FAM120B: variants seen among roughly 807,000 people sequenced by gnomAD.
The protein encoded by FAM120B is family with sequence similarity 120 member B, also known as constitutive coactivator of peroxisome proliferator-activated receptor gamma.
Under a neutral mutation model 96.3 loss-of-function variants are expected in FAM120B, and 83 were observed. That is an observed-to-expected ratio of 0.86 (90% CI 0.72 to 1.03). The LOEUF (loss-of-function observed/expected upper bound fraction) is 1.03. FAM120B is among the 50% of genes least tolerant of loss of function. The probability of loss-of-function intolerance (pLI) is 0.00; values close to 1 mark genes in which losing one functional copy is unlikely to be tolerated. For missense variants in FAM120B, 1,027 were observed against 1,121.2 expected, an observed-to-expected ratio of 0.92 and a Z score of 1.20; for synonymous variants, 407 against 402.7, an observed-to-expected ratio of 1.01 and a Z score of -0.13.
chr6:170,325,763 C>T (rs1240842597), intron 3 of FAM120B, among the ~76,000 whole-genome samples: 1 of 151,420 alleles, frequency 6.6e-6, no homozygotes, highest in Admixed American at 6.6e-5. Flanking sequence ...ATTGCTTGAG[C>T]CCAGGAGACA....
chr6:170,320,801 G>C (rs1456520653), intron 2 of FAM120B, among the ~76,000 whole-genome samples: 1 of 152,224 alleles, frequency 6.6e-6, no homozygotes, highest in Non-Finnish European at 1.5e-5. Context: ...GAGATCAGGA[G>C]TGAGCAGAGG....
intron 6 of FAM120B, among the ~76,000 whole-genome samples, chr6:170,371,795 G>T (rs1217468807): frequency 6.6e-6 from 1 of 152,206 alleles, no homozygotes; most frequent in Non-Finnish European, 1.5e-5. Flanking sequence ...GGAAGTAAGA[G>T]ATGATTGGCC....
rs1205062618 is a variant in FAM120B at position 170,318,047 on chromosome 6, G to A, written c.657G>A (p.Val219=). The A allele has an allele frequency of 6.2e-7, 1 of 1,614,134 alleles. No individual in the cohort carries two copies. Among genetic ancestry groups the A allele is most frequent in the African/African-American group, 1.3e-5 (1 of 75,048 alleles). ...TCTGTGAGAGTCTGGGCCTCTGTGT[G>A]GCCGACCTTCCTCTTCTGGCCTGCC... ...EKLCESLGLC[V]ADLPLLACLL... Residue 219 remains valine, a synonymous_variant, in exon 2 of 11, where the codon GTG becomes GTA. Transcript: ENST00000476287.
chr6:170,348,558 A>G (rs1267506287), intron 5 of FAM120B, among the ~76,000 whole-genome samples: 1 of 152,216 alleles, frequency 6.6e-6, no homozygotes, highest in Admixed American at 6.5e-5. Flanking sequence ...GACTTAGGAA[A>G]TCTTGCAGGT....
chr6:170,292,341 T>TG (rs923091754), upstream of FAM120B, among the ~76,000 whole-genome samples: 1 of 152,140 alleles, frequency 6.6e-6, no homozygotes, highest in African/African-American at 2.4e-5. The surrounding 1 kb of genome is among the most constrained non-coding windows in gnomAD (Gnocchi z 6.6). Flanking sequence ...AGAAGTAAGT[T>TG]GGGGCAGAGA....
At chr6:170,291,000 G>GC, upstream of FAM120B, 5 of 701,870 alleles carry the variant, frequency 7.1e-6, no homozygotes, top group Admixed American at 2.0e-5. This position sits in a 1 kb window ranked among gnomAD's most constrained non-coding sequence, Gnocchi z 4.7. Flanking sequence ...CAAATCAGCA[G>GC]CCCCCCAATC....
Position 170,404,877 on chromosome 6 carries a change from G to A in FAM120B, c.*126G>A, listed in dbSNP as rs930556903. ...TGTGGGAGCCAGGCCTCGCTTGCAT[G>A]AAGAAGGAACGATGCCTTTTTCAAT... On this transcript the variant is annotated 3_prime_UTR_variant, in exon 11 of 11. Transcript: ENST00000476287. 6.9e-6 allele frequency: 3 copies of A among 437,620 alleles called. No homozygotes were observed. Among genetic ancestry groups the A allele is most frequent in the Non-Finnish European group, 8.2e-6 (2 of 244,988 alleles). 27.1% of individuals were successfully genotyped at this position (437,620 alleles called of 1,614,324 possible). A position where few individuals can be genotyped will look rare whatever the true frequency, so the allele number is the denominator to read the frequency against.
At chr6:170,391,663 T>G (rs1052106440) in intron 8 of FAM120B, among the ~76,000 whole-genome samples, 1 of 152,224 alleles carries the variant, frequency 6.6e-6, no homozygotes, top group African/African-American at 2.4e-5. Context: ...GTAACCTCCT[T>G]TCTAGGGTTC....
chr6:170,402,498 A>G (rs112619492), intron 9 of FAM120B, among the ~76,000 whole-genome samples: 4 of 152,370 alleles, frequency 2.6e-5, no homozygotes, highest in African/African-American at 9.6e-5. Context: ...CAGTGGGCAC[A>G]GGAGCAGTGC....
chr6:170,389,870 A>G (rs888667841), intron 7 of FAM120B, among the ~76,000 whole-genome samples: 8 of 152,046 alleles, frequency 5.3e-5, no homozygotes, highest in South Asian at 4.2e-4. Flanking sequence ...CCCTCTCCCT[A>G]TTTTTTAATG....
chr6:170,333,091 G>A (rs1786166782), intron 4 of FAM120B, among the ~76,000 whole-genome samples: 1 of 152,052 alleles, frequency 6.6e-6, no homozygotes, highest in Non-Finnish European at 1.5e-5. Flanking sequence ...CAAAATTAAC[G>A]AGCCAGGGAG....
intron 4 of FAM120B, among the ~76,000 whole-genome samples, chr6:170,336,681 ATTTG>A (rs1403442054): frequency 6.6e-6 from 1 of 152,078 alleles, no homozygotes; most frequent in East Asian, 1.9e-4. Context: ...ATGTTTTTCC[ATTTG>A]TTTGTGTCCT....
intron 6 of FAM120B, among the ~76,000 whole-genome samples, chr6:170,383,620 G>T (rs1029661185): frequency 1.3e-5 from 2 of 152,292 alleles, no homozygotes; most frequent in South Asian, 4.1e-4. Context: ...GATTAGAGCA[G>T]CTAAAATTAA....
At chr6:170,393,625 T>C (rs1345381871) in intron 8 of FAM120B, among the ~76,000 whole-genome samples, 1 of 152,232 alleles carries the variant, frequency 6.6e-6, no homozygotes, top group Non-Finnish European at 1.5e-5. Context: ...CCTTTTTTGT[T>C]CTCAAAGTAA....
At chr6:170,351,117 A>C (rs1056734957) in intron 5 of FAM120B, among the ~76,000 whole-genome samples, 1 of 152,228 alleles carries the variant, frequency 6.6e-6, no homozygotes, top group Non-Finnish European at 1.5e-5. Context: ...GAGCTGAAAA[A>C]CACAGCATAA....
intron 6 of FAM120B, among the ~76,000 whole-genome samples, chr6:170,384,205 C>T (rs1279791719): frequency 6.6e-6 from 1 of 152,076 alleles, no homozygotes; most frequent in Non-Finnish European, 1.5e-5. Context: ...CACAAACCCA[C>T]CAGGTTTTGA....
At chr6:170,369,007 C>A (rs966984454) in intron 6 of FAM120B, among the ~76,000 whole-genome samples, 1 of 149,780 alleles carries the variant, frequency 6.7e-6, no homozygotes, top group Non-Finnish European at 1.5e-5. Flanking sequence ...GGGGATTTAG[C>A]CTTCAGCATA....
At chr6:170,393,916 A>T (rs1480909806) in intron 8 of FAM120B, among the ~76,000 whole-genome samples, 1 of 151,950 alleles carries the variant, frequency 6.6e-6, no homozygotes. Flanking sequence ...ACACCAAGCT[A>T]CTCGGTGTGT....
chr6:170,352,681 G>A (rs1016713752), intron 5 of FAM120B, among the ~76,000 whole-genome samples: 2 of 151,860 alleles, frequency 1.3e-5, no homozygotes, highest in African/African-American at 2.4e-5. Context: ...AATGACTCTT[G>A]GTTAAATAAT....
Sources: allele counts gnomAD v4.1 joint callset (sites outside exome capture counted in the v4.1 genomes callset), GRCh38; gene constraint gnomAD v4.1.1; non-coding constraint Gnocchi (gnomAD v3.1); transcripts MANE v1.5; gene names NCBI Gene and HGNC (gene_info 2026-07-23, HGNC 2026-07-21).